XRCC5: variants seen among roughly 807,000 people sequenced by gnomAD.
The protein encoded by XRCC5 is X-ray repair cross complementing 5.
In XRCC5, 12 loss-of-function variants were observed where a neutral mutation model predicts 95.7. The observed-to-expected ratio is 0.13, with a 90% CI of 0.08 to 0.20. XRCC5 has a LOEUF of 0.20. Among genes scored for constraint, XRCC5 ranks in the 10% least tolerant of loss-of-function variants. The probability of loss-of-function intolerance (pLI) is 1.00; values close to 1 mark genes in which losing one functional copy is unlikely to be tolerated. For synonymous variants in XRCC5, 281 were observed against 290.3 expected, an observed-to-expected ratio of 0.97 and a Z score of 0.33; for missense variants, 595 against 873.9, an observed-to-expected ratio of 0.68 and a Z score of 4.02.
intron 2 of XRCC5, 85 bp downstream of exon 2, chr2:216,113,214 TTA>T (rs1286078332): frequency 8.7e-7 from 1 of 1,155,774 alleles, no homozygotes; most frequent in African/African-American, 1.5e-5. Flanking sequence ...ACCAGCCTCC[TTA>T]TAGTGTCCAG....
chr2:216,130,687 G>T (rs1442940652), intron 8 of XRCC5, 188 bp from the exon 9 acceptor site: 4 of 512,578 alleles, frequency 7.8e-6, no homozygotes, highest in Non-Finnish European at 1.0e-5. Flanking sequence ...TATTGTATGT[G>T]TGGTTTGTGT....
chr2:216,130,744 A>G (rs1696982429), intron 8 of XRCC5, 131 bp from the exon 9 acceptor site: 1 of 579,822 alleles, frequency 1.7e-6, no homozygotes, highest in Non-Finnish European at 3.0e-6. Flanking sequence ...CAGTCATCTG[A>G]TTCCAGGGAA....
intron 16 of XRCC5, among the ~76,000 whole-genome samples, chr2:216,188,350 A>G (rs538602403): frequency 6.6e-6 from 1 of 152,338 alleles, no homozygotes; most frequent in East Asian, 1.9e-4. Context: ...TATGCATTAT[A>G]TTCCCTATTC....
At chr2:216,170,947 C>T (rs937125855) in intron 16 of XRCC5, among the ~76,000 whole-genome samples, 1 of 152,090 alleles carries the variant, frequency 6.6e-6, no homozygotes, top group Admixed American at 6.5e-5. Context: ...CTTGGTTCTC[C>T]TTGAATTGGG....
At chr2:216,188,548 C>G (rs970393404) in intron 16 of XRCC5, among the ~76,000 whole-genome samples, 1 of 152,178 alleles carries the variant, frequency 6.6e-6, no homozygotes, top group African/African-American at 2.4e-5. Flanking sequence ...AATTTAGAGT[C>G]TCTAGGATTA....
At chr2:216,188,268 T>G (rs1324961590) in intron 16 of XRCC5, among the ~76,000 whole-genome samples, 1 of 152,210 alleles carries the variant, frequency 6.6e-6, no homozygotes, top group Non-Finnish European at 1.5e-5. Context: ...TTTTAAAAAT[T>G]CAAACCAATT....
At chr2:216,116,174 C>T (rs1368058245) in intron 2 of XRCC5, among the ~76,000 whole-genome samples, 4 of 152,112 alleles carry the variant, frequency 2.6e-5, no homozygotes, top group Non-Finnish European at 5.9e-5. Context: ...CTATCATAAA[C>T]AGTGCTGAAG....
chr2:216,148,125 C>A lies in XRCC5; in HGVS notation c.1519C>A (p.Pro507Thr), dbSNP rs61752201. 6.9e-5 allele frequency: 112 copies of A among 1,613,682 alleles called. No individual in the cohort carries two copies. Among genetic ancestry groups the A allele is most frequent in the Non-Finnish European group, 8.9e-5 (105 of 1,179,914 alleles). ...RALHPREPLP[P>T]IQQHIWNMLN... ...TTTACATCCCCGGGAGCCTCTACCC[C>A]CAATTCAGCAGCATATTTGGAATAT... is the stretch of plus-strand genomic sequence containing the variant. Residue 507 changes from proline to threonine, a missense_variant, in exon 14 of 21, where the codon CCA becomes ACA. Physicochemically the swap from Pro to Thr is conservative, Grantham distance 38. Coordinates refer to ENST00000392132, the MANE Select transcript of XRCC5 (RefSeq NM_021141.4).
chr2:216,130,928 A>T lies in XRCC5; in HGVS notation c.991A>T (p.Met331Leu), dbSNP rs1416991716. ...VPFSKVDEEQMKYKSEGKCFS... is the reference protein window; with the variant it reads ...VPFSKVDEEQLKYKSEGKCFS... ...TTTCTCTAAAGTGGATGAGGAACAA[A>T]TGAAATATAAATCGGAGGGGAAGTG... Residue 331 changes from methionine to leucine, a missense_variant, in exon 9 of 21, where the codon ATG becomes TTG. This residue lies in a region of XRCC5 where 286 missense variants were observed against 491.1 expected (regional missense o/e 0.58). Transcript: ENST00000392132. 1 of 1,613,662 alleles carries T rather than the reference A, an allele frequency of 6.2e-7. No homozygotes were observed. Among genetic ancestry groups the T allele is most frequent in the African/African-American group, 1.3e-5 (1 of 74,890 alleles).
chr2:216,143,856 G>A (rs1388343177), intron 13 of XRCC5, among the ~76,000 whole-genome samples: 2 of 149,254 alleles, frequency 1.3e-5, no homozygotes, highest in Non-Finnish European at 3.0e-5. Context: ...ACAGATGCCC[G>A]CCACCACGCC....
chr2:216,196,864 T>A (rs1047063851), intron 19 of XRCC5, among the ~76,000 whole-genome samples: 2 of 152,220 alleles, frequency 1.3e-5, no homozygotes, highest in African/African-American at 4.8e-5. Flanking sequence ...CCCAGCCAAG[T>A]TGACACATAA....
Position 216,206,041 on chromosome 2 carries a change from C to T in XRCC5, c.*839C>T, listed in dbSNP as rs925765775. 2 of 152,198 alleles carry T rather than the reference C, an allele frequency of 1.3e-5. No individual in the cohort carries two copies. The highest frequency in any genetic ancestry group is 4.8e-5 in the African/African-American group (2 of 41,464). 9.4% of individuals were successfully genotyped at this position (152,198 alleles called of 1,614,324 possible). A position where few individuals can be genotyped will look rare whatever the true frequency, so the allele number is the denominator to read the frequency against. On this transcript the variant is annotated 3_prime_UTR_variant, in exon 21 of 21. Transcript: ENST00000392132. Reference sequence around the variant, plus strand: ...ATATTAAAACACTTAGGTAACTTTTCGGTCTTTCCCATTTCTACCTAAGTC... The same window carrying T: ...ATATTAAAACACTTAGGTAACTTTTTGGTCTTTCCCATTTCTACCTAAGTC...
At chr2:216,123,934 C>T (rs1051959753) in intron 6 of XRCC5, among the ~76,000 whole-genome samples, 2 of 152,194 alleles carry the variant, frequency 1.3e-5, no homozygotes, top group African/African-American at 4.8e-5. Flanking sequence ...AGCATTTCGA[C>T]GCTACTTTGA....
At chr2:216,117,415 A>T in intron 3 of XRCC5, 1 of 293,608 alleles carries the variant, frequency 3.4e-6, no homozygotes. Context: ...ATGCTACATT[A>T]TGGTTCGCTT....
chr2:216,112,778 G>T (rs1372834854), intron 1 of XRCC5, among the ~76,000 whole-genome samples: 2 of 152,238 alleles, frequency 1.3e-5, no homozygotes, highest in Non-Finnish European at 2.9e-5. Context: ...CAGCTATCTG[G>T]AGCATGTTCC....
intron 6 of XRCC5, among the ~76,000 whole-genome samples, chr2:216,124,727 G>T (rs1246394416): frequency 2.6e-5 from 4 of 152,160 alleles, no homozygotes; most frequent in African/African-American, 9.7e-5. Flanking sequence ...CCACTTTGTA[G>T]ATCTGTTTTT....
In XRCC5 at chr2:216,161,995, C is replaced by G; in HGVS notation, c.1781C>G (p.Pro594Arg). ...ATATTTTAGGTTGGAAGTGTGAATC[C>G]TGCTGAAAACTTCCGTGTTCTAGTG... is the stretch of plus-strand genomic sequence containing the variant. Reference protein sequence around the residue: ...GSVTSVGSVNPAENFRVLVKQ... With the variant: ...GSVTSVGSVNRAENFRVLVKQ... The change falls in exon 16 of 21, where the codon CCT becomes CGT. Residue 594 changes from proline (P) to arginine (R), a missense_variant. Around this residue, in one of 2 missense-constraint regions of XRCC5, gnomAD observed 309 missense variants for 382.9 expected, o/e 0.81. Coordinates refer to ENST00000392132, the MANE Select transcript of XRCC5 (RefSeq NM_021141.4). 1 of 1,614,092 alleles carries G rather than the reference C, an allele frequency of 6.2e-7. No individual in the cohort carries two copies. Among genetic ancestry groups the G allele is most frequent in the Non-Finnish European group, 8.5e-7 (1 of 1,179,964 alleles).
chr2:216,154,652 AAGAC>A, intron 14 of XRCC5, among the ~76,000 whole-genome samples: 1 of 152,358 alleles, frequency 6.6e-6, no homozygotes, highest in Middle Eastern at 3.4e-3. Flanking sequence ...TCATGTGTGA[AAGAC>A]AGAGAGTGCA....
At chr2:216,151,075 A>G (rs1688736079) in intron 14 of XRCC5, among the ~76,000 whole-genome samples, 1 of 152,144 alleles carries the variant, frequency 6.6e-6, no homozygotes, top group Non-Finnish European at 1.5e-5. Context: ...AGGGAAGGCA[A>G]TAGTCAAAAC....
Sources: allele counts gnomAD v4.1 joint callset (sites outside exome capture counted in the v4.1 genomes callset), GRCh38; gene constraint gnomAD v4.1.1; regional missense constraint gnomAD v4.1.1; transcripts MANE v1.5; gene names NCBI Gene and HGNC (gene_info 2026-07-23, HGNC 2026-07-21).